Variants in DNAH17 observed in about 807,000 individuals in gnomAD.
The protein encoded by DNAH17 is dynein axonemal heavy chain 17.
Under a neutral mutation model 485.6 loss-of-function variants are expected in DNAH17, and 376 were observed. The ratio of observed to expected loss-of-function variants is 0.77; its 90% CI spans 0.71 to 0.84. DNAH17 has a LOEUF of 0.84. DNAH17 is among the 40% of genes least tolerant of loss of function. The probability of loss-of-function intolerance (pLI) is 0.00; values close to 1 mark genes in which losing one functional copy is unlikely to be tolerated. For missense variants in DNAH17, 6,370 were observed against 5,839.3 expected (o/e 1.09, Z -2.96); for synonymous variants, 3,031 against 2,405.9 (o/e 1.26, Z -7.60).
intron 49 of DNAH17, among the ~76,000 whole-genome samples, chr17:78,480,273 CG>C (rs2089293963): frequency 6.6e-6 from 1 of 151,734 alleles, no homozygotes; most frequent in African/African-American, 2.4e-5. Context: ...TGCTTAAACC[CG>C]GGAAGCGGAG....
In DNAH17 at chr17:78,424,021, G is replaced by A. The variant is rs1456580841; in HGVS notation, c.13274C>T (p.Pro4425Leu). Reference sequence around the variant, plus strand: ...GCCGCGGATGCGTGTTTTGTACACGGGACACTCATAGATGTTCTTGGTCTC... The same window carrying A: ...GCCGCGGATGCGTGTTTTGTACACGAGACACTCATAGATGTTCTTGGTCTC... The part of the protein sequence containing the change: ...RMETKNIYEC[P>L]VYKTRIRGPT... Residue 4425 changes from proline (P) to leucine (L), a missense_variant, in exon 81 of 81, where the codon CCC becomes CTC. Physicochemically the swap from Pro to Leu is moderately conservative, Grantham distance 98. Coordinates refer to ENST00000389840, the MANE Select transcript of DNAH17 (RefSeq NM_173628.4). The A allele has an allele frequency of 6.2e-7, 1 of 1,614,024 alleles. No individual in the cohort carries two copies. Among genetic ancestry groups the A allele is most frequent in the East Asian group, 2.2e-5 (1 of 44,892 alleles).
At chr17:78,518,609 A>G (rs986755521) in intron 25 of DNAH17, among the ~76,000 whole-genome samples, 8 of 152,230 alleles carry the variant, frequency 5.3e-5, no homozygotes, top group African/African-American at 1.9e-4. Flanking sequence ...GAAAATTAGC[A>G]AGACTATAAA....
In DNAH17 at chr17:78,501,739, T is replaced by G. The variant is rs191276846; in HGVS notation, c.5322+3A>C. 21 of 1,612,484 alleles carry G rather than the reference T, an allele frequency of 1.3e-5. No homozygotes were observed. In the African/African-American group the frequency reaches 2.4e-4, roughly 18 times the overall value. On this transcript the variant is annotated splice_donor_region_variant and intron_variant, in intron 34 of 80. Coordinates refer to ENST00000389840, the MANE Select transcript of DNAH17 (RefSeq NM_173628.4). ...CTGGCCCCTGGGACAGGGGCGCTCA[T>G]GCCTTGGCCACGATCATTTTGGCCA...
chr17:78,576,009 C>T (rs370056852), intron 1 of DNAH17, among the ~76,000 whole-genome samples: 2 of 152,332 alleles, frequency 1.3e-5, no homozygotes, highest in South Asian at 4.1e-4. Context: ...GTTTTCATCA[C>T]AATCTGGGAG....
At chr17:78,544,800 CAA>C (rs55669221) in intron 16 of DNAH17, among the ~76,000 whole-genome samples, 85 of 46,860 alleles carry the variant, frequency 1.8e-3, no homozygotes, top group East Asian at 0.016. Context: ...GACTCAGTCT[CAA>C]AAAAAAAAAA....
At chr17:78,481,213 C>T (rs1231062971) in intron 48 of DNAH17, among the ~76,000 whole-genome samples, 1 of 151,744 alleles carries the variant, frequency 6.6e-6, no homozygotes, top group Non-Finnish European at 1.5e-5. Flanking sequence ...CCCCATTCTC[C>T]TGCCTCAGCC....
At position 78,465,498 on chromosome 17, in the gene DNAH17, C is replaced by T. The variant is rs577767233; in HGVS notation, c.8940+1157G>A. Among the ~76,000 whole-genome samples the T allele has an allele frequency of 6.5e-3, 137 of 21,106 alleles. 1 individual carries two copies. The highest frequency in any genetic ancestry group is 0.021 in the South Asian group (11 of 528). The allele number at this position is 21,106 out of a possible 152,430, so 13.8% of individuals were successfully genotyped here. ...CTAGGAAGTGAGGAACACCTCTTCC[C>T]GGCCGCCATCACATCTAGGAAGTGA... On this transcript the variant is annotated intron_variant, in intron 56 of 80. Coordinates refer to ENST00000389840, the MANE Select transcript of DNAH17 (RefSeq NM_173628.4).
rs1473588436 is a variant in DNAH17, at chr17:78,510,365, C to T, written c.4236+19G>A. The T allele has an allele frequency of 2.5e-6, 4 of 1,610,584 alleles. No individual in the cohort carries two copies. The stretch of plus-strand genomic sequence containing the variant: ...GGCTGATCCCACGTTGCACAGACAG[C>T]ACCGCCAGCACGGCCTACCTTTTCC... On this transcript the variant is annotated intron_variant, in intron 27 of 80. Transcript: ENST00000389840.
At chr17:78,486,626 C>A (rs557302785) in intron 44 of DNAH17, 120 bp from the exon 45 acceptor site, 240 of 1,277,478 alleles carry the variant, frequency 1.9e-4, no homozygotes, top group Middle Eastern at 2.7e-4. Flanking sequence ...CTCAGGGTCA[C>A]CATGCCTGCA....
At position 78,486,354 on chromosome 17, in the gene DNAH17, G is replaced by A. The variant is rs555440634; in HGVS notation, c.6971C>T (p.Thr2324Met). 3.7e-6 allele frequency: 6 copies of A among 1,613,874 alleles called. No homozygotes were observed. Among genetic ancestry groups the A allele is most frequent in the Admixed American group, 1.7e-5 (1 of 60,018 alleles). ...CAGGCACTCCAGCAGGTACAGAATCGTTTGGATCACCGTGATCTCCGGCAC... is the reference window on the plus strand; with the variant it reads ...CAGGCACTCCAGCAGGTACAGAATCATTTGGATCACCGTGATCTCCGGCAC... ...TPVPEITVIQ[T>M]ILYLLECLLT... is the part of the protein sequence containing the mutation. The change falls in exon 45 of 81, where the codon ACG (threonine) becomes ATG (methionine). Residue 2324 changes from threonine to methionine, a missense_variant. Coordinates refer to ENST00000389840, the MANE Select transcript of DNAH17 (RefSeq NM_173628.4).
At chr17:78,546,274 T>C (rs1174763096) in intron 16 of DNAH17, among the ~76,000 whole-genome samples, 1 of 152,204 alleles carries the variant, frequency 6.6e-6, no homozygotes, top group African/African-American at 2.4e-5. Flanking sequence ...TTATTGGAAG[T>C]TTCATATGGT....
At chr17:78,514,598 C>T (rs1458073143) in intron 26 of DNAH17, among the ~76,000 whole-genome samples, 176 bp downstream of exon 26, 4 of 152,128 alleles carry the variant, frequency 2.6e-5, no homozygotes, top group Non-Finnish European at 5.9e-5. Context: ...CACCCCCAAC[C>T]AGCGTGGAGC....
intron 74 of DNAH17, 59 bp downstream of exon 74, chr17:78,437,582 G>C: frequency 1.4e-6 from 2 of 1,440,688 alleles, no homozygotes; most frequent in Non-Finnish European, 9.4e-7. Flanking sequence ...GGGCCCCAAG[G>C]GATGGATGCC....
intron 20 of DNAH17, among the ~76,000 whole-genome samples, 197 bp downstream of exon 20, chr17:78,532,285 T>C (rs1482943577): frequency 6.6e-6 from 1 of 152,224 alleles, no homozygotes; most frequent in Admixed American, 6.5e-5. Context: ...CAGGCCTGTG[T>C]GGTGTGCTAT....
chr17:78,475,754 A>T lies in DNAH17; in HGVS notation c.8234T>A (p.Val2745Asp), dbSNP rs1222865597. 5.0e-6 allele frequency: 8 copies of T among 1,613,966 alleles called. No individual in the cohort carries two copies. The highest frequency in any genetic ancestry group is 5.9e-6 in the Non-Finnish European group (7 of 1,179,878). The change falls in exon 53 of 81, where the codon GTT (valine) becomes GAT (aspartate). Residue 2745 changes from valine to aspartate, a missense_variant. By Grantham distance (152) the Val-to-Asp change is radical (BLOSUM62 -3). Transcript: ENST00000389840. ...FAQGIGDPKY[V>D]PVTDMAPLNK... ...CAGAGGAGCCATGTCGGTTACAGGAACATATTTGGGATCGCCAATCCCTTG... is the reference window on the plus strand; with the variant it reads ...CAGAGGAGCCATGTCGGTTACAGGATCATATTTGGGATCGCCAATCCCTTG...
chr17:78,455,100 A>G (rs1385169568), intron 63 of DNAH17, among the ~76,000 whole-genome samples: 4 of 152,096 alleles, frequency 2.6e-5, no homozygotes, highest in Non-Finnish European at 1.5e-5. Flanking sequence ...AGTAGAGACG[A>G]GGTTTCACCA....
chr17:78,478,937 C>G, intron 51 of DNAH17, 88 bp downstream of exon 51: 1 of 1,068,756 alleles, frequency 9.4e-7, no homozygotes, highest in Non-Finnish European at 1.4e-6. Flanking sequence ...TCAGTCCACA[C>G]CTCCCTGAGA....
chr17:78,456,070 G>A (rs973712786), intron 62 of DNAH17, among the ~76,000 whole-genome samples: 22 of 152,074 alleles, frequency 1.4e-4, no homozygotes, highest in Admixed American at 3.9e-4. Flanking sequence ...AGGCTGAGGC[G>A]GGTGGATCAC....
In DNAH17 at chr17:78,532,002, G is replaced by A. The variant is rs118049906; in HGVS notation, c.3114+480C>T. Among the ~76,000 whole-genome samples the A allele has an allele frequency of 4.3e-3, 651 of 152,250 alleles. 2 individuals are homozygous for A. Among genetic ancestry groups the A allele is most frequent in the Non-Finnish European group, 6.6e-3 (447 of 68,014 alleles). On this transcript the variant is annotated intron_variant, in intron 20 of 80. Coordinates refer to ENST00000389840, the MANE Select transcript of DNAH17 (RefSeq NM_173628.4). The stretch of plus-strand genomic sequence containing the variant: ...GTTTCATATGCAAATGAGCCAACCC[G>A]GAGCCCACACCTCCGACCATCCCCT...
Sources: gnomAD v4.1 joint callset for allele counts (sites outside exome capture counted in the v4.1 genomes callset) on GRCh38, gnomAD v4.1.1 for gene constraint, MANE v1.5 for transcripts, NCBI Gene and HGNC (gene_info 2026-07-23, HGNC 2026-07-21) for gene names.